The following PCSK5 variants were observed in gnomAD, a reference collection of about 807,000 sequenced individuals.
PCSK5 encodes prohormone convertase 5.
PCSK5 carries 129 observed loss-of-function variants against 233.2 expected under a neutral mutation model. That is an observed-to-expected ratio of 0.55 (90% confidence interval 0.48 to 0.64). The LOEUF (loss-of-function observed/expected upper bound fraction) is 0.64. Among genes scored for constraint, PCSK5 ranks in the 30% least tolerant of loss-of-function variants. The pLI is 0.00. For missense variants in PCSK5, 2,076 were observed against 2,430.1 expected, an observed-to-expected ratio of 0.85 and a Z score of 3.06; for synonymous variants, 825 against 879.2, an observed-to-expected ratio of 0.94 and a Z score of 1.09.
chr9:76,043,546 T>G lies in PCSK5; in HGVS notation c.632+16509T>G, dbSNP rs149611329. On this transcript the variant is annotated intron_variant, in intron 5 of 37. Coordinates refer to ENST00000674117, the MANE Select transcript of PCSK5 (RefSeq NM_001372043.1). ...TAACCTTTGATTTGGAGGTTTTTGT[T>G]TTTCTTTCAGATGTCACGTGCTGGC... Among the ~76,000 whole-genome samples the G allele has an allele frequency of 7.5e-3, 1,144 of 152,158 alleles. 6 individuals are homozygous for G. The highest frequency in any genetic ancestry group is 0.044 in the Middle Eastern group (13 of 294).
intron 3 of PCSK5, among the ~76,000 whole-genome samples, chr9:76,003,834 G>C (rs1827362370): frequency 1.3e-5 from 2 of 151,708 alleles, no homozygotes; most frequent in East Asian, 3.9e-4. Context: ...TTAGAGACAA[G>C]GTCTCACTCT....
chr9:76,258,836 C>T (rs1427717119), intron 24 of PCSK5, among the ~76,000 whole-genome samples: 1 of 152,118 alleles, frequency 6.6e-6, no homozygotes, highest in Non-Finnish European at 1.5e-5. Context: ...TCATTTACCC[C>T]CTTGAATGTT....
At chr9:76,235,834 T>C (rs1438403787) in intron 22 of PCSK5, among the ~76,000 whole-genome samples, 1 of 152,192 alleles carries the variant, frequency 6.6e-6, no homozygotes, top group African/African-American at 2.4e-5. Flanking sequence ...GAAGCATTAG[T>C]GAAGCAAGTG....
At chr9:76,328,304 C>T (rs1829430417) in intron 33 of PCSK5, 65 bp downstream of exon 33, 1 of 1,158,422 alleles carries the variant, frequency 8.6e-7, no homozygotes, top group Admixed American at 1.7e-5. Context: ...TTGCACACTG[C>T]CTTGTCCAGT....
intron 8 of PCSK5, among the ~76,000 whole-genome samples, chr9:76,103,043 G>A (rs566783888): frequency 2.0e-5 from 3 of 152,234 alleles, no homozygotes; most frequent in African/African-American, 7.2e-5. Context: ...CACGAGAGTG[G>A]GATTTTGTGT....
At chr9:76,176,796 T>C (rs1823635884) in intron 14 of PCSK5, among the ~76,000 whole-genome samples, 1 of 152,214 alleles carries the variant, frequency 6.6e-6, no homozygotes, top group African/African-American at 2.4e-5. Flanking sequence ...CTTAACTCTC[T>C]CATTAATTTA....
intron 3 of PCSK5, 112 bp from the exon 4 acceptor site, chr9:76,023,626 A>T: frequency 1.0e-6 from 1 of 982,984 alleles, no homozygotes. Context: ...TCACACTACT[A>T]CACTCCAGCC....
chr9:76,171,040 T>C (rs1823311609), intron 13 of PCSK5, among the ~76,000 whole-genome samples: 1 of 152,174 alleles, frequency 6.6e-6, no homozygotes, highest in African/African-American at 2.4e-5. Flanking sequence ...TTAAAGAGTA[T>C]CTGTGCCCAG....
intron 2 of PCSK5, among the ~76,000 whole-genome samples, chr9:75,965,856 G>A (rs1825561359): frequency 6.6e-6 from 1 of 152,124 alleles, no homozygotes; most frequent in Non-Finnish European, 1.5e-5. Context: ...AATAAGAGGG[G>A]ATTCTTGGGA....
intron 5 of PCSK5, among the ~76,000 whole-genome samples, chr9:76,066,957 G>A (rs1830309207): frequency 6.6e-6 from 1 of 152,144 alleles, no homozygotes; most frequent in South Asian, 2.1e-4. Context: ...GAAGGGATGG[G>A]CATTTAACTT....
chr9:76,140,990 C>T (rs889736360), intron 10 of PCSK5, among the ~76,000 whole-genome samples: 3 of 152,052 alleles, frequency 2.0e-5, no homozygotes, highest in Admixed American at 6.6e-5. Context: ...TGGACTTTAC[C>T]TAGATATTTG....
intron 3 of PCSK5, among the ~76,000 whole-genome samples, chr9:76,001,911 G>A (rs1827279216): frequency 6.6e-6 from 1 of 152,126 alleles, no homozygotes; most frequent in South Asian, 2.1e-4. Flanking sequence ...TAAACTAGTT[G>A]TACACACTAA....
chr9:75,918,958 T>TA lies in PCSK5; in HGVS notation c.193-13413dup, dbSNP rs531407687. Among the ~76,000 whole-genome samples, 589 of 152,230 alleles carry TA rather than the reference T, an allele frequency of 3.9e-3. 10 individuals are homozygous for TA. The highest frequency in any genetic ancestry group is 0.013 in the African/African-American group (544 of 41,546). On this transcript the variant is annotated intron_variant, in intron 1 of 37. Coordinates refer to ENST00000674117, the MANE Select transcript of PCSK5 (RefSeq NM_001372043.1). The stretch of plus-strand genomic sequence containing the variant: ...ATGACAGGGCTTTTCTCTGTAGAGT[T>TA]AAAAAAAATCAGGTTTATTGAGGTA...
chr9:76,017,045 A>T (rs1260766499), intron 3 of PCSK5, among the ~76,000 whole-genome samples: 2 of 152,198 alleles, frequency 1.3e-5, no homozygotes, highest in Non-Finnish European at 2.9e-5. Flanking sequence ...ATCATAGTAG[A>T]TGGGGACCAT....
intron 23 of PCSK5, 34 bp downstream of exon 23, chr9:76,239,199 G>A (rs574777488): frequency 4.2e-5 from 64 of 1,509,140 alleles, no homozygotes; most frequent in African/African-American, 1.4e-4. Context: ...CCCAGCACCC[G>A]AACATGGGAG....
At chr9:76,104,873 C>T (rs775118030) in intron 8 of PCSK5, among the ~76,000 whole-genome samples, 7 of 152,092 alleles carry the variant, frequency 4.6e-5, no homozygotes, top group Admixed American at 1.3e-4. Flanking sequence ...CAGGCAAGGC[C>T]GTCTCAACAA....
intron 2 of PCSK5, among the ~76,000 whole-genome samples, chr9:75,972,319 T>A (rs1022092118): frequency 2.6e-5 from 4 of 152,222 alleles, no homozygotes; most frequent in African/African-American, 9.6e-5. Flanking sequence ...GCGTGATGCC[T>A]CCAGCATTGT....
At chr9:76,355,773 G>A (rs1357906632) in intron 37 of PCSK5, among the ~76,000 whole-genome samples, 3 of 151,428 alleles carry the variant, frequency 2.0e-5, no homozygotes, top group South Asian at 4.2e-4. Flanking sequence ...GCACAATCTC[G>A]GCTCACGGCA....
chr9:76,227,801 CCCA>C (rs1205334438), intron 21 of PCSK5, among the ~76,000 whole-genome samples, 196 bp downstream of exon 21: 1 of 152,136 alleles, frequency 6.6e-6, no homozygotes, highest in Non-Finnish European at 1.5e-5. Flanking sequence ...ACGCCCAGTC[CCCA>C]CCACAAGGAC....
Sources: gnomAD v4.1 joint callset for allele counts (sites outside exome capture counted in the v4.1 genomes callset) on GRCh38, gnomAD v4.1.1 for gene constraint, MANE v1.5 for transcripts, NCBI Gene and HGNC (gene_info 2026-07-23, HGNC 2026-07-21) for gene names.